The following DOCK4 variants were observed in gnomAD, a reference collection of about 807,000 sequenced individuals.
The protein encoded by DOCK4 is dedicator of cytokinesis 4, also known as dedicator of cytokinesis protein 4.
Under a neutral mutation model 268.1 loss-of-function variants are expected in DOCK4, and 97 were observed. The ratio of observed to expected loss-of-function variants is 0.36; its 90% CI spans 0.31 to 0.43. The LOEUF is 0.43. Ranked by LOEUF, DOCK4 falls within the 20% of genes least tolerant of loss-of-function variation. The probability of loss-of-function intolerance (pLI) is 1.00; values close to 1 mark genes in which losing one functional copy is unlikely to be tolerated. For missense variants in DOCK4, 2,145 were observed against 2,455.7 expected, an observed-to-expected ratio of 0.87 and a Z score of 2.67; for synonymous variants, 954 against 887.2, an observed-to-expected ratio of 1.08 and a Z score of -1.34.
intron 1 of DOCK4, among the ~76,000 whole-genome samples, chr7:112,106,026 T>C (rs1009857275): frequency 6.6e-6 from 1 of 152,118 alleles, no homozygotes; most frequent in Non-Finnish European, 1.5e-5. Context: ...TGGGAAGGCA[T>C]GTAAGGGGCA....
chr7:111,944,966 G>T, intron 9 of DOCK4, 95 bp from the exon 10 acceptor site: 1 of 947,428 alleles, frequency 1.1e-6, no homozygotes, highest in Non-Finnish European at 1.7e-6. Flanking sequence ...GAAAGAGATG[G>T]ACACAGACAT....
intron 10 of DOCK4, among the ~76,000 whole-genome samples, chr7:111,940,725 T>C (rs575818847): frequency 1.3e-5 from 2 of 152,370 alleles, no homozygotes; most frequent in South Asian, 4.1e-4. Flanking sequence ...GCCTCAGCTC[T>C]CAGGCTGTTC....
At chr7:111,836,049 T>A (rs1398612641) in intron 25 of DOCK4, among the ~76,000 whole-genome samples, 1 of 152,160 alleles carries the variant, frequency 6.6e-6, no homozygotes, top group Admixed American at 6.6e-5. Flanking sequence ...CCTTGATATT[T>A]AACAAAAGAA....
intron 1 of DOCK4, among the ~76,000 whole-genome samples, chr7:112,184,786 A>AT (rs200022210): frequency 0.017 from 2,436 of 142,734 alleles, 50 homozygotes; most frequent in African/African-American, 0.061. Flanking sequence ...GACCCCTACA[A>AT]TCCCCCCCCC....
intron 8 of DOCK4, among the ~76,000 whole-genome samples, chr7:111,954,624 A>G (rs567339173): frequency 1.3e-5 from 2 of 152,264 alleles, no homozygotes; most frequent in South Asian, 2.1e-4. Flanking sequence ...CGGAAGACAC[A>G]TACCCCCTGA....
At chr7:111,751,301 G>C (rs1047798307) in intron 42 of DOCK4, among the ~76,000 whole-genome samples, 1 of 152,108 alleles carries the variant, frequency 6.6e-6, no homozygotes, top group Non-Finnish European at 1.5e-5. Flanking sequence ...AGGATAAACA[G>C]TCTTTAGTTT....
rs749349556 is a variant in DOCK4 at position 111,916,980 on chromosome 7, G to GTTTTTTTTTTTTTT, written c.1067-1090_1067-1077dup. Among the ~76,000 whole-genome samples, 7 of 83,972 alleles carry GTTTTTTTTTTTTTT rather than the reference G, an allele frequency of 8.3e-5. 1 individual carries two copies. Among genetic ancestry groups the GTTTTTTTTTTTTTT allele is most frequent in the South Asian group, 4.1e-4 (1 of 2,426 alleles). 55.1% of individuals were successfully genotyped at this position (83,972 alleles called of 152,430 possible). ...ACCCACCTCCCACCCTTTCCCCCAT[G>GTTTTTTTTTTTTTT]TTTTTTTTTTTTTTTTTTTTTTTTT... On this transcript the variant is annotated intron_variant, in intron 12 of 52. Coordinates refer to ENST00000428084, the MANE Select transcript of DOCK4 (RefSeq NM_001363540.2).
At chr7:112,110,501 G>C (rs1159743655) in intron 1 of DOCK4, among the ~76,000 whole-genome samples, 3 of 152,214 alleles carry the variant, frequency 2.0e-5, no homozygotes, top group Non-Finnish European at 2.9e-5. Flanking sequence ...TCAGTGCCCT[G>C]ACATTGGGCC....
intron 1 of DOCK4, among the ~76,000 whole-genome samples, chr7:112,078,654 T>C (rs900069993): frequency 6.6e-6 from 1 of 152,112 alleles, no homozygotes; most frequent in Non-Finnish European, 1.5e-5. Context: ...AATATAGACA[T>C]GCTGATGTCA....
At chr7:112,063,011 T>C (rs1228959861) in intron 1 of DOCK4, among the ~76,000 whole-genome samples, 3 of 152,118 alleles carry the variant, frequency 2.0e-5, no homozygotes, top group Non-Finnish European at 4.4e-5. Context: ...GAATACTCAG[T>C]TGTGGCTGTG....
intron 39 of DOCK4, 105 bp downstream of exon 39, chr7:111,765,013 T>A: frequency 2.0e-6 from 1 of 503,010 alleles, no homozygotes; most frequent in Non-Finnish European, 3.4e-6. Context: ...AAAAGTCTCA[T>A]GCATATTATT....
At chr7:112,031,971 G>A (rs926095232) in intron 1 of DOCK4, among the ~76,000 whole-genome samples, 13 of 152,316 alleles carry the variant, frequency 8.5e-5, no homozygotes, top group Admixed American at 6.5e-4. Context: ...AAGGCAGTGG[G>A]TTTGCAAGAT....
chr7:112,057,084 C>T (rs1586732696), intron 1 of DOCK4, among the ~76,000 whole-genome samples: 1 of 151,980 alleles, frequency 6.6e-6, no homozygotes, highest in African/African-American at 2.4e-5. Flanking sequence ...ACTTAAAATC[C>T]CTGTATCACA....
At chr7:111,902,894 C>G (rs546828391) in intron 13 of DOCK4, among the ~76,000 whole-genome samples, 1 of 152,058 alleles carries the variant, frequency 6.6e-6, no homozygotes, top group Non-Finnish European at 1.5e-5. Flanking sequence ...CTCAGCCTCC[C>G]GAGTAGCTGG....
At chr7:112,072,385 C>T (rs762874104) in intron 1 of DOCK4, among the ~76,000 whole-genome samples, 11 of 152,202 alleles carry the variant, frequency 7.2e-5, no homozygotes, top group Admixed American at 2.0e-4. Flanking sequence ...TATCTGATAA[C>T]GCTAGGGTCA....
chr7:111,754,153 T>C (rs529348745), intron 42 of DOCK4, among the ~76,000 whole-genome samples: 3 of 151,910 alleles, frequency 2.0e-5, no homozygotes, highest in African/African-American at 7.3e-5. Context: ...ATAAGACTTT[T>C]TGAGCACTGC....
intron 35 of DOCK4, among the ~76,000 whole-genome samples, chr7:111,780,936 GGTCAGTGCAAAGCTATCAGGATAA>G (rs1425619560): frequency 5.3e-4 from 80 of 152,294 alleles, no homozygotes; most frequent in African/African-American, 1.6e-3. Flanking sequence ...GACTATTCTT[GGTCAGTGCAAAGCTATCAGGATAA>G]TGTCTCAAGT....
At chr7:111,842,035 A>C (rs527591834) in intron 25 of DOCK4, among the ~76,000 whole-genome samples, 61 of 152,372 alleles carry the variant, frequency 4.0e-4, no homozygotes, top group African/African-American at 1.4e-3. Context: ...TTATATTGCC[A>C]GGAAGCAATT....
At chr7:111,858,972 A>G (rs189044962) in intron 23 of DOCK4, among the ~76,000 whole-genome samples, 1 of 152,274 alleles carries the variant, frequency 6.6e-6, no homozygotes, top group East Asian at 1.9e-4. Context: ...TAAGGTCTGA[A>G]AAGGTTTTGA....
Sources: gnomAD v4.1 joint callset for allele counts (sites outside exome capture counted in the v4.1 genomes callset) on GRCh38, gnomAD v4.1.1 for gene constraint, MANE v1.5 for transcripts, NCBI Gene and HGNC (gene_info 2026-07-23, HGNC 2026-07-21) for gene names.